Variants in DES observed in about 807,000 individuals in gnomAD.
DES encodes the protein cardiomyopathy, dilated 1F (autosomal dominant).
Under a neutral mutation model 55.1 loss-of-function variants are expected in DES, and 34 were observed. That is an observed-to-expected ratio of 0.62 (90% CI 0.47 to 0.82). DES has a LOEUF of 0.82. Ranked by LOEUF, DES falls within the 40% of genes least tolerant of loss-of-function variation. The pLI, the probability that DES is intolerant of heterozygous loss-of-function variation, is 0.00. For synonymous variants in DES, 259 were observed against 270.8 expected (o/e 0.96, Z 0.43); for missense variants, 596 against 645.9 (o/e 0.92, Z 0.84).
chr2:219,425,939 TCCTC>T lies in DES; in HGVS notation c.1372-7_1372-4del. The T allele has an allele frequency of 6.2e-7, 1 of 1,613,836 alleles. No individual in the cohort carries two copies. On this transcript the variant is annotated splice_region_variant and splice_polypyrimidine_tract_variant and intron_variant, in intron 8 of 8. Transcript: ENST00000373960. ...GCACATGGTTGGACTGGGCTTCTCT[TCCTC>T]CCCAGGTCGTCAGTGAGGCCACACA...
At chr2:219,425,805 CTG>C in intron 8 of DES, 60 bp downstream of exon 8, 1 of 1,594,950 alleles carries the variant, frequency 6.3e-7, no homozygotes, top group Non-Finnish European at 8.6e-7. Context: ...TCTGGGGGGA[CTG>C]TCTTCCACCC....
rs1432229838 is a variant in DES, at chr2:219,418,998, A to T, written c.536A>T (p.Glu179Val). 2.6e-6 allele frequency: 4 copies of T among 1,549,034 alleles called. No homozygotes were observed. Among genetic ancestry groups the T allele is most frequent in the Non-Finnish European group, 3.5e-6 (4 of 1,147,844 alleles). Residue 179 changes from glutamate to valine, a missense_variant, in exon 1 of 9, where the codon GAG becomes GTG. Transcript: ENST00000373960. ...LTNQRARVDVERDNLLDDLQR... is the reference protein window; with the variant it reads ...LTNQRARVDVVRDNLLDDLQR... ...AACCAGCGCGCGCGCGTCGACGTCG[A>T]GCGCGACAACCTGCTCGACGACCTG...
At position 219,421,321 on chromosome 2, in the gene DES, G is replaced by C. The variant is rs1324920718; in HGVS notation, c.1024-19G>C. On this transcript the variant is annotated intron_variant, in intron 5 of 8. Coordinates refer to ENST00000373960, the MANE Select transcript of DES (RefSeq NM_001927.4). Reference sequence around the variant, plus strand: ...GTGTCCTCTTCCCTTCCTTGACCTGGGTTCCCCCTCTCCTGCAGAACGATT... The same window carrying C: ...GTGTCCTCTTCCCTTCCTTGACCTGCGTTCCCCCTCTCCTGCAGAACGATT... The C allele has an allele frequency of 1.2e-6, 2 of 1,613,712 alleles. No individual in the cohort carries two copies. The highest frequency in any genetic ancestry group is 3.3e-4 in the Middle Eastern group (2 of 6,044).
chr2:219,420,371 G>T lies in DES; in HGVS notation c.735+25G>T. On this transcript the variant is annotated intron_variant, in intron 3 of 8. Coordinates refer to ENST00000373960, the MANE Select transcript of DES (RefSeq NM_001927.4). The surrounding 1 kb of genome is among the most constrained non-coding windows in gnomAD (Gnocchi z 6.0). The stretch of plus-strand genomic sequence containing the variant: ...GGTATACCTTGGCCCCTCTTCCTGG[G>T]GTCACTGGGCCATGGGGAAAGCAGC... 1 of 1,613,334 alleles carries T rather than the reference G, an allele frequency of 6.2e-7. No homozygotes were observed. Among genetic ancestry groups the T allele is most frequent in the Non-Finnish European group, 8.5e-7 (1 of 1,179,730 alleles).
rs144693133 is a variant in DES at position 219,419,628 on chromosome 2, A to T, written c.579-467A>T. ...AGTAGGTGGGGGTCACAGCTCTCAG[A>T]GAGCTTGGGAGGACCTGACTGTAGA... On this transcript the variant is annotated intron_variant, in intron 1 of 8. Coordinates refer to ENST00000373960, the MANE Select transcript of DES (RefSeq NM_001927.4). This position sits in a 1 kb window ranked among gnomAD's most constrained non-coding sequence, Gnocchi z 4.3. Among the ~76,000 whole-genome samples the T allele has an allele frequency of 4.6e-5, 7 of 152,340 alleles. No individual in the cohort carries two copies. In the East Asian group the frequency reaches 1.4e-3, roughly 29 times the overall value.
At chr2:219,424,201 C>A (rs1954495969) in intron 7 of DES, among the ~76,000 whole-genome samples, 1 of 152,234 alleles carries the variant, frequency 6.6e-6, no homozygotes, top group Non-Finnish European at 1.5e-5. Context: ...AGCCCATTGT[C>A]TGTTTGGCAC....
At position 219,418,406 on chromosome 2, in the gene DES, C is replaced by G. The variant is rs901916405; in HGVS notation, c.-57C>G. 4.2e-5 allele frequency: 64 copies of G among 1,511,096 alleles called. No individual in the cohort carries two copies. Among genetic ancestry groups the G allele is most frequent in the Non-Finnish European group, 4.8e-5 (54 of 1,136,020 alleles). 93.6% of individuals were successfully genotyped at this position (1,511,096 alleles called of 1,614,324 possible). A position where few individuals can be genotyped will look rare whatever the true frequency, so the allele number is the denominator to read the frequency against. On this transcript the variant is annotated 5_prime_UTR_variant, in exon 1 of 9. Coordinates refer to ENST00000373960, the MANE Select transcript of DES (RefSeq NM_001927.4). ...CCCCTCGCCGCATCCACTCTCCGGCCGGCCGCCTGCCCGCCGCCTCCTCCG... is the reference window on the plus strand; with the variant it reads ...CCCCTCGCCGCATCCACTCTCCGGCGGGCCGCCTGCCCGCCGCCTCCTCCG...
At chr2:219,422,998 GA>G (rs373499055) in intron 6 of DES, among the ~76,000 whole-genome samples, 49 of 152,194 alleles carry the variant, frequency 3.2e-4, no homozygotes, top group African/African-American at 1.2e-3. Flanking sequence ...AACATAAAGA[GA>G]AACTTCAGAT....
Position 219,426,090 on chromosome 2 carries a change from G to T in DES, c.*100G>T. The T allele has an allele frequency of 7.3e-7, 1 of 1,376,698 alleles. No homozygotes were observed. The allele number at this position is 1,376,698 out of a possible 1,614,324, so 85.3% of individuals were successfully genotyped here. On this transcript the variant is annotated 3_prime_UTR_variant, in exon 9 of 9. Coordinates refer to ENST00000373960, the MANE Select transcript of DES (RefSeq NM_001927.4). The surrounding 1 kb of genome is among the most constrained non-coding windows in gnomAD (Gnocchi z 4.5). ...TCCCAGGACACCACACCCAGCCTCA[G>T]TCCTCCCCTCACAGCCTCTGACCCC...
At position 219,419,059 on chromosome 2, in the gene DES, A is replaced by G; in HGVS notation, c.578+19A>G. 2 of 1,536,736 alleles carry G rather than the reference A, an allele frequency of 1.3e-6. No individual in the cohort carries two copies. The highest frequency in any genetic ancestry group is 3.9e-5 in the Admixed American group (2 of 50,998). ...AGGCCAAGTGAGGGCCCGGCACCCC[A>G]GACTCCTCTTTCTGCGGGCAGGGCA... is the stretch of plus-strand genomic sequence containing the variant. On this transcript the variant is annotated intron_variant, in intron 1 of 8. Transcript: ENST00000373960. This position sits in a 1 kb window ranked among gnomAD's most constrained non-coding sequence, Gnocchi z 4.3.
Position 219,419,010 on chromosome 2 carries a change from T to C in DES, c.548T>C (p.Leu183Pro). ...CGCGTCGACGTCGAGCGCGACAACC[T>C]GCTCGACGACCTGCAGCGGCTCAAG... ...RARVDVERDN[L>P]LDDLQRLKAK... The change falls in exon 1 of 9, where the codon CTG becomes CCG. Residue 183 changes from leucine to proline, a missense_variant. Leu to Pro is a moderately conservative substitution (Grantham distance 98). Coordinates refer to ENST00000373960, the MANE Select transcript of DES (RefSeq NM_001927.4). The surrounding 1 kb of genome is among the most constrained non-coding windows in gnomAD (Gnocchi z 4.3). The C allele has an allele frequency of 6.5e-7, 1 of 1,546,550 alleles. No individual in the cohort carries two copies. The highest frequency in any genetic ancestry group is 8.7e-7 in the Non-Finnish European group (1 of 1,147,514).
chr2:219,423,173 T>C (rs1954474337), intron 6 of DES, among the ~76,000 whole-genome samples: 1 of 152,144 alleles, frequency 6.6e-6, no homozygotes, highest in South Asian at 2.1e-4. Context: ...CCAACTTCAG[T>C]GCCAGGAGCA....
Position 219,420,225 on chromosome 2 carries a change from T to A in DES, c.640-26T>A. ...TGCCCCACCTGGGTGGCGGTGACCATGTCCTTCTCGCTTGGCCTCTCCCAG... is the reference window on the plus strand; with the variant it reads ...TGCCCCACCTGGGTGGCGGTGACCAAGTCCTTCTCGCTTGGCCTCTCCCAG... On this transcript the variant is annotated intron_variant, in intron 2 of 8. Coordinates refer to ENST00000373960, the MANE Select transcript of DES (RefSeq NM_001927.4). This position sits in a 1 kb window ranked among gnomAD's most constrained non-coding sequence, Gnocchi z 6.0. The A allele has an allele frequency of 6.2e-7, 1 of 1,614,088 alleles. No homozygotes were observed. Among genetic ancestry groups the A allele is most frequent in the South Asian group, 1.1e-5 (1 of 91,080 alleles).
chr2:219,421,055 A>T, intron 5 of DES, 102 bp downstream of exon 5: 1 of 1,457,402 alleles, frequency 6.9e-7, no homozygotes, highest in Non-Finnish European at 9.3e-7. Flanking sequence ...CTGGGCCTTC[A>T]TCTACTTAAA....
chr2:219,421,201 C>T (rs1450343522), intron 5 of DES, 139 bp from the exon 6 acceptor site: 1 of 1,001,320 alleles, frequency 1.0e-6, no homozygotes, highest in Non-Finnish European at 1.5e-6. Flanking sequence ...TCTGAGTGTT[C>T]ACATATAGAC....
rs199540841 is a variant in DES at position 219,420,974 on chromosome 2, C to A, written c.1023+21C>A. 80 of 1,610,570 alleles carry A rather than the reference C, an allele frequency of 5.0e-5. 1 individual carries two copies. In the African/African-American group the frequency reaches 9.6e-4, roughly 19 times the overall value. ...GCACTGTGAGTCCCTGCCCACCTGG[C>A]CAGGCCCTGCCCCTTCCTGTCTGCA... On this transcript the variant is annotated intron_variant, in intron 5 of 8. Coordinates refer to ENST00000373960, the MANE Select transcript of DES (RefSeq NM_001927.4). The surrounding 1 kb of genome is among the most constrained non-coding windows in gnomAD (Gnocchi z 6.0).
At chr2:219,424,205 T>G (rs1184176096) in intron 7 of DES, among the ~76,000 whole-genome samples, 1 of 152,188 alleles carries the variant, frequency 6.6e-6, no homozygotes, top group Non-Finnish European at 1.5e-5. Flanking sequence ...CATTGTCTGT[T>G]TGGCACATTG....
chr2:219,421,263 C>T (rs1038729474), intron 5 of DES, 77 bp from the exon 6 acceptor site: 36 of 1,530,618 alleles, frequency 2.4e-5, no homozygotes, highest in Non-Finnish European at 3.0e-5. Context: ...TCTGGAGTTG[C>T]CTGCCAGCCC....
At position 219,420,956 on chromosome 2, in the gene DES, G is replaced by GAGTCCCTGCCCACCTGGCC. The variant is rs765993677; in HGVS notation, c.1023+6_1023+24dup. On this transcript the variant is annotated splice_donor_region_variant and intron_variant, in intron 5 of 8. Transcript: ENST00000373960. This position sits in a 1 kb window ranked among gnomAD's most constrained non-coding sequence, Gnocchi z 6.0. ...AGATTGACGCCCTGAAGGGCACTGTGAGTCCCTGCCCACCTGGCCAGGCCC... is the reference window on the plus strand; with the variant it reads ...AGATTGACGCCCTGAAGGGCACTGTGAGTCCCTGCCCACCTGGCCAGTCCCTGCCCACCTGGCCAGGCCC... 1.6e-5 allele frequency: 25 copies of GAGTCCCTGCCCACCTGGCC among 1,612,782 alleles called. No individual in the cohort carries two copies. Among genetic ancestry groups the GAGTCCCTGCCCACCTGGCC allele is most frequent in the Non-Finnish European group, 1.9e-5 (23 of 1,179,650 alleles).
Sources: gnomAD v4.1 joint callset for allele counts (sites outside exome capture counted in the v4.1 genomes callset) on GRCh38, gnomAD v4.1.1 for gene constraint, Gnocchi (gnomAD v3.1) non-coding constraint, MANE v1.5 for transcripts, NCBI Gene and HGNC (gene_info 2026-07-23, HGNC 2026-07-21) for gene names.